REL: variants seen among roughly 807,000 people sequenced by gnomAD.
REL encodes the protein REL proto-oncogene, NF-kB subunit.
Under a neutral mutation model 45.9 loss-of-function variants are expected in REL, and 15 were observed. The ratio of observed to expected loss-of-function variants is 0.33; its 90% CI spans 0.22 to 0.50. REL has a LOEUF of 0.50. Among genes scored for constraint, REL ranks in the 20% least tolerant of loss-of-function variants. The pLI, the probability that REL is intolerant of heterozygous loss-of-function variation, is 0.98. For synonymous variants in REL, 239 were observed against 242.1 expected (o/e 0.99, Z 0.12); for missense variants, 601 against 715.2 (o/e 0.84, Z 1.82).
rs1347211904 is a variant in REL, at chr2:60,920,657, A to G, written c.991+15A>G. 5 of 1,502,872 alleles carry G rather than the reference A, an allele frequency of 3.3e-6. No individual in the cohort carries two copies. The highest frequency in any genetic ancestry group is 2.8e-5 in the African/African-American group (2 of 72,646). 93.1% of individuals were successfully genotyped at this position (1,502,872 alleles called of 1,614,324 possible). ...CTTCAAAAAAGGTATTTTATTTCCT[A>G]TAGCATATTTCTTGTGATCAGAAAG... On this transcript the variant is annotated intron_variant, in intron 9 of 9. Coordinates refer to ENST00000394479, the MANE Select transcript of REL (RefSeq NM_001291746.2).
At chr2:60,916,148 C>T (rs1459744261) in intron 4 of REL, among the ~76,000 whole-genome samples, 1 of 152,262 alleles carries the variant, frequency 6.6e-6, no homozygotes, top group African/African-American at 2.4e-5. Context: ...CTCAGTGGCT[C>T]ACGCCCATAA....
Position 60,881,686 on chromosome 2 carries a change from C to A in REL, c.-155C>A. On this transcript the variant is annotated 5_prime_UTR_variant, in exon 1 of 10. Transcript: ENST00000394479. ...GTTGGGAAGGTGTGAGCCGCAAACCCAGCGGAGGGCGGGAAGAAGGAGGAG... is the reference window on the plus strand; with the variant it reads ...GTTGGGAAGGTGTGAGCCGCAAACCAAGCGGAGGGCGGGAAGAAGGAGGAG... 1.7e-6 allele frequency: 1 copy of A among 589,598 alleles called. No individual in the cohort carries two copies. Among genetic ancestry groups the A allele is most frequent in the Non-Finnish European group, 2.9e-6 (1 of 340,350 alleles). 36.5% of individuals were successfully genotyped at this position (589,598 alleles called of 1,614,324 possible).
intron 4 of REL, among the ~76,000 whole-genome samples, chr2:60,906,511 T>C (rs1673654438): frequency 1.3e-5 from 2 of 152,196 alleles, no homozygotes; most frequent in Admixed American, 6.5e-5. Flanking sequence ...TTCTCAAATA[T>C]GGCCTTTAAA....
In REL at chr2:60,881,613, G is replaced by A; in HGVS notation, c.-228G>A. The A allele has an allele frequency of 1.9e-6, 1 of 517,934 alleles. No individual in the cohort carries two copies. Among genetic ancestry groups the A allele is most frequent in the Non-Finnish European group, 3.4e-6 (1 of 291,730 alleles). The allele number at this position is 517,934 out of a possible 1,614,324, so 32.1% of individuals were successfully genotyped here. On this transcript the variant is annotated 5_prime_UTR_variant, in exon 1 of 10. Transcript: ENST00000394479. Reference sequence around the variant, plus strand: ...GCTCCGCCCCCTGCCCCTGGCTCCCGTACGGTGGACGGCGACGCTGGGTGA... The same window carrying A: ...GCTCCGCCCCCTGCCCCTGGCTCCCATACGGTGGACGGCGACGCTGGGTGA...
At chr2:60,917,714 G>GTA (rs1674020089) in intron 5 of REL, among the ~76,000 whole-genome samples, 1 of 136,080 alleles carries the variant, frequency 7.3e-6, no homozygotes, top group Non-Finnish European at 1.7e-5. Context: ...GTGTGTGTGT[G>GTA]TACGTGTGTG....
At chr2:60,892,231 T>A (rs1027465885) in intron 2 of REL, among the ~76,000 whole-genome samples, 2 of 152,214 alleles carry the variant, frequency 1.3e-5, no homozygotes, top group Non-Finnish European at 2.9e-5. Context: ...TAATTCTTCT[T>A]GGCTAGTCTT....
intron 4 of REL, among the ~76,000 whole-genome samples, chr2:60,902,283 G>A (rs1323764657): frequency 6.6e-6 from 1 of 151,984 alleles, no homozygotes; most frequent in East Asian, 1.9e-4. Context: ...ATCTCTTTAG[G>A]TTTTATTTTT....
Position 60,927,158 on chromosome 2 carries a change from C to T in REL, c.*4623C>T, listed in dbSNP as rs1049770480. The T allele has an allele frequency of 1.3e-5, 3 of 225,210 alleles. No homozygotes were observed. Among genetic ancestry groups the T allele is most frequent in the Admixed American group, 5.7e-5 (1 of 17,512 alleles). 14.0% of individuals were successfully genotyped at this position (225,210 alleles called of 1,614,324 possible). On this transcript the variant is annotated 3_prime_UTR_variant, in exon 10 of 10. Coordinates refer to ENST00000394479, the MANE Select transcript of REL (RefSeq NM_001291746.2). ...CTCTTTCGTCATTGGGACTCCAGCA[C>T]CCAGCATAGTCCCTAGTATACTAGT... is the stretch of plus-strand genomic sequence containing the variant.
chr2:60,883,864 G>A (rs962132501), intron 1 of REL, among the ~76,000 whole-genome samples: 24 of 120,238 alleles, frequency 2.0e-4, no homozygotes, highest in African/African-American at 6.9e-4. Flanking sequence ...TTTTTTTTTG[G>A]TCTTTTCTAA....
At position 60,901,150 on chromosome 2, in the gene REL, CTTTTT is replaced by C. The variant is rs10565258; in HGVS notation, c.394+86_394+90del. The C allele has an allele frequency of 2.6e-3, 2,376 of 907,654 alleles. 20 individuals carry two copies. Among genetic ancestry groups the C allele is most frequent in the South Asian group, 8.2e-3 (369 of 45,134 alleles). The allele number at this position is 907,654 out of a possible 1,614,324, so 56.2% of individuals were successfully genotyped here. A position where few individuals can be genotyped will look rare whatever the true frequency, so the allele number is the denominator to read the frequency against. ...TGATTTCTGTTTCTTTTTTCTTTCT[CTTTTT>C]TTTTTTTTTTTTTTTTTTGAGACGG... On this transcript the variant is annotated intron_variant, in intron 4 of 9. Transcript: ENST00000394479.
chr2:60,920,043 AC>A lies in REL; in HGVS notation c.857del (p.Thr286IlefsTer56). On this transcript the variant is annotated frameshift_variant, in exon 8 of 10. Transcript: ENST00000394479. LOFTEE classifies it high-confidence loss of function. ...DFRYLPDEKD[T>X]YGNKAKKQKT... ...TTTCCTGGTTTCTTTCTAATCAGAT[AC>A]TTACGGCAATAAAGCAAAGAAACAA... 1 of 1,606,238 alleles carries A rather than the reference AC, an allele frequency of 6.2e-7. No individual in the cohort carries two copies. Among genetic ancestry groups the A allele is most frequent in the Non-Finnish European group, 8.5e-7 (1 of 1,174,540 alleles).
Position 60,928,139 on chromosome 2 carries a change from GA to G in REL, c.*5608del, listed in dbSNP as rs1674309469. ...TCAAGACTAGCCTGGGTAATATAAGGAAAACCTGTCTCTGCAAAAAAAAAAA... is the reference window on the plus strand; with the variant it reads ...TCAAGACTAGCCTGGGTAATATAAGGAAACCTGTCTCTGCAAAAAAAAAAA... On this transcript the variant is annotated 3_prime_UTR_variant, in exon 10 of 10. Coordinates refer to ENST00000394479, the MANE Select transcript of REL (RefSeq NM_001291746.2). 1 of 150,228 alleles carries G rather than the reference GA, an allele frequency of 6.7e-6. No homozygotes were observed. Among genetic ancestry groups the G allele is most frequent in the African/African-American group, 2.9e-5 (1 of 35,016 alleles). The allele number at this position is 150,228 out of a possible 1,614,324, so 9.3% of individuals were successfully genotyped here.
rs1162627805 is a variant in REL at position 60,906,913 on chromosome 2, ATTT to A, written c.394+5844_394+5846del. On this transcript the variant is annotated intron_variant, in intron 4 of 9. Transcript: ENST00000394479. ...TGTGTGTATATATATATATATATAT[ATTT>A]TTTTTTTTTTTTTCTTTTCCGAGAC... Among the ~76,000 whole-genome samples, 14 of 104,320 alleles carry A rather than the reference ATTT, an allele frequency of 1.3e-4. No individual in the cohort carries two copies. In the East Asian group the frequency reaches 3.0e-3, roughly 23 times the overall value. 68.4% of individuals were successfully genotyped at this position (104,320 alleles called of 152,430 possible). A position where few individuals can be genotyped will look rare whatever the true frequency, so the allele number is the denominator to read the frequency against.
Position 60,923,433 on chromosome 2 carries a change from C to T in REL, c.*898C>T, listed in dbSNP as rs939707561. On this transcript the variant is annotated 3_prime_UTR_variant, in exon 10 of 10. Transcript: ENST00000394479. ...GGACCATTCGCCTTTCTTAGATGTC[C>T]TCACTCCCTGTGATCTCATAAAACT... 4.3e-6 allele frequency: 1 copy of T among 231,728 alleles called. No homozygotes were observed. The highest frequency in any genetic ancestry group is 2.2e-5 in the African/African-American group (1 of 45,220). The allele number at this position is 231,728 out of a possible 1,614,324, so 14.4% of individuals were successfully genotyped here.
intron 4 of REL, among the ~76,000 whole-genome samples, chr2:60,905,336 C>T (rs1051951143): frequency 1.3e-5 from 2 of 152,022 alleles, no homozygotes; most frequent in Admixed American, 6.6e-5. Flanking sequence ...CCTTGTGATC[C>T]GCCCGCCTCA....
chr2:60,915,699 G>T (rs1170487708), intron 4 of REL, among the ~76,000 whole-genome samples: 1 of 152,108 alleles, frequency 6.6e-6, no homozygotes, highest in African/African-American at 2.4e-5. Context: ...TGCATGTCTT[G>T]CTTTTTAAAA....
At chr2:60,894,575 AATAAG>A (rs777874531) in intron 3 of REL, 30 bp downstream of exon 3, 45 of 1,514,756 alleles carry the variant, frequency 3.0e-5, no homozygotes, top group Admixed American at 4.3e-5. Flanking sequence ...CATCTTCAGA[AATAAG>A]ATAAGACATA....
chr2:60,924,047 C>G lies in REL; in HGVS notation c.*1512C>G, dbSNP rs962901192. ...TGCTCCTCAAAGCATCAAGTATGCA[C>G]TTGCCTTGGACAGTCTGTACTTGGT... is the stretch of plus-strand genomic sequence containing the variant. On this transcript the variant is annotated 3_prime_UTR_variant, in exon 10 of 10. Coordinates refer to ENST00000394479, the MANE Select transcript of REL (RefSeq NM_001291746.2). 4.3e-6 allele frequency: 1 copy of G among 232,456 alleles called. No homozygotes were observed. Among genetic ancestry groups the G allele is most frequent in the African/African-American group, 2.2e-5 (1 of 45,286 alleles). The allele number at this position is 232,456 out of a possible 1,614,324, so 14.4% of individuals were successfully genotyped here.
At chr2:60,921,172 G>A (rs766961424) in intron 9 of REL, among the ~76,000 whole-genome samples, 2 of 151,810 alleles carry the variant, frequency 1.3e-5, no homozygotes, top group Admixed American at 6.6e-5. Flanking sequence ...TTTCCCCCAC[G>A]TACATTCTTA....
Sources: gnomAD v4.1 joint callset for allele counts (sites outside exome capture counted in the v4.1 genomes callset) on GRCh38, gnomAD v4.1.1 for gene constraint, MANE v1.5 for transcripts, NCBI Gene and HGNC (gene_info 2026-07-23, HGNC 2026-07-21) for gene names.